The following FAM193A variants were observed in gnomAD, a reference collection of about 807,000 sequenced individuals.
FAM193A encodes family with sequence similarity 193 member A.
Under a neutral mutation model 126.5 loss-of-function variants are expected in FAM193A, and 22 were observed. The ratio of observed to expected loss-of-function variants is 0.17; its 90% CI spans 0.12 to 0.25. FAM193A has a LOEUF of 0.25. Among genes scored for constraint, FAM193A ranks in the 10% least tolerant of loss-of-function variants. FAM193A has a pLI of 1.00. For missense variants in FAM193A, 1,675 were observed against 1,672.8 expected (o/e 1.00, Z -0.02); for synonymous variants, 761 against 646.8 (o/e 1.18, Z -2.68).
At chr4:2,580,251 T>TACCGCATATTCTCGC (rs1467747926) in intron 1 of FAM193A, among the ~76,000 whole-genome samples, 1 of 152,116 alleles carries the variant, frequency 6.6e-6, no homozygotes, top group African/African-American at 2.4e-5. Flanking sequence ...GAAAACCAGA[T>TACCGCATATTCTCGC]ACCGCATATT....
At chr4:2,574,059 G>C (rs972306321) in intron 1 of FAM193A, among the ~76,000 whole-genome samples, 2 of 152,114 alleles carry the variant, frequency 1.3e-5, no homozygotes, top group Admixed American at 6.6e-5. Flanking sequence ...GTTATGAGGG[G>C]ATTGTGGGAG....
At chr4:2,599,246 C>G (rs1577058252) in intron 2 of FAM193A, among the ~76,000 whole-genome samples, 1 of 151,872 alleles carries the variant, frequency 6.6e-6, no homozygotes, top group Non-Finnish European at 1.5e-5. Flanking sequence ...CTTTTATGGC[C>G]TCCTTCCACT....
intron 7 of FAM193A, chr4:2,654,406 T>G (rs1430321344): frequency 6.7e-6 from 1 of 149,144 alleles, no homozygotes; most frequent in Admixed American, 6.7e-5. Flanking sequence ...TTTTTTGTAT[T>G]TTTGGTAGAG....
At chr4:2,542,834 C>G (rs1485665461) in intron 1 of FAM193A, among the ~76,000 whole-genome samples, 1 of 152,174 alleles carries the variant, frequency 6.6e-6, no homozygotes, top group Non-Finnish European at 1.5e-5. Context: ...TCCCACTGTC[C>G]TGTGTGCGGG....
At chr4:2,546,147 C>CA (rs1208023730) in intron 1 of FAM193A, among the ~76,000 whole-genome samples, 45 of 138,910 alleles carry the variant, frequency 3.2e-4, no homozygotes, top group Admixed American at 4.3e-4. Context: ...GACTCCGCCT[C>CA]AAAAAAAAAA....
chr4:2,622,257 C>CAAAAAAAAAA lies in FAM193A; in HGVS notation c.502-2988_502-2979dup, dbSNP rs71178493. Among the ~76,000 whole-genome samples the CAAAAAAAAAA allele has an allele frequency of 2.7e-3, 148 of 55,564 alleles. 5 individuals carry two copies. The highest frequency in any genetic ancestry group is 9.5e-3 in the African/African-American group (140 of 14,774). 36.5% of individuals were successfully genotyped at this position (55,564 alleles called of 152,430 possible). On this transcript the variant is annotated intron_variant, in intron 2 of 20. Coordinates refer to ENST00000637812, the MANE Select transcript of FAM193A (RefSeq NM_001366318.2). ...GGGTGATAGAGCGAGACCCTGTCTC[C>CAAAAAAAAAA]AAAAAAAAAAAAAAAAAAAAAAAAA...
chr4:2,679,550 T>C (rs1328542771), intron 13 of FAM193A, among the ~76,000 whole-genome samples: 1 of 151,862 alleles, frequency 6.6e-6, no homozygotes, highest in Non-Finnish European at 1.5e-5. Flanking sequence ...CGGCTAATTT[T>C]GTATTTTTAG....
chr4:2,569,463 G>T (rs551900059), intron 1 of FAM193A, among the ~76,000 whole-genome samples: 1 of 152,264 alleles, frequency 6.6e-6, no homozygotes, highest in African/African-American at 2.4e-5. Context: ...CAGTTGTGCA[G>T]ATGTGAGTTT....
intron 2 of FAM193A, among the ~76,000 whole-genome samples, chr4:2,598,055 C>A (rs1296242634): frequency 6.6e-6 from 1 of 152,144 alleles, no homozygotes; most frequent in Non-Finnish European, 1.5e-5. Flanking sequence ...CAGGCACGCG[C>A]CACCATGCCC....
chr4:2,637,398 T>C (rs1358473582), intron 5 of FAM193A, among the ~76,000 whole-genome samples: 1 of 152,220 alleles, frequency 6.6e-6, no homozygotes, highest in Non-Finnish European at 1.5e-5. Context: ...TCACTAGGCT[T>C]AAGTTATGCT....
At position 2,693,846 on chromosome 4, in the gene FAM193A, T is replaced by C. The variant is rs1291860277; in HGVS notation, c.3064T>C (p.Ser1022Pro). ...PAPLPPATDG[S>P]ISAPPSVCSD... Reference sequence around the variant, plus strand: ...ACCCCTACCCCCGGCCACAGATGGCTCCATTAGCGCCCCTCCAAGTGTCTG... The same window carrying C: ...ACCCCTACCCCCGGCCACAGATGGCCCCATTAGCGCCCCTCCAAGTGTCTG... The change falls in exon 16 of 21, where the codon TCC (serine) becomes CCC (proline). Residue 1022 changes from serine (S) to proline (P), a missense_variant. By Grantham distance (74) the Ser-to-Pro change is moderately conservative (BLOSUM62 -1). Around this residue, in one of 4 missense-constraint regions of FAM193A, gnomAD observed 1,186 missense variants for 1,109.2 expected, o/e 1.07. Transcript: ENST00000637812. The C allele has an allele frequency of 1.2e-6, 2 of 1,614,022 alleles. No homozygotes were observed. The highest frequency in any genetic ancestry group is 1.7e-5 in the Admixed American group (1 of 60,006).
chr4:2,609,906 T>A (rs1741759142), intron 2 of FAM193A, among the ~76,000 whole-genome samples: 1 of 147,136 alleles, frequency 6.8e-6, no homozygotes, highest in African/African-American at 2.5e-5. Context: ...TCCAGCCTAA[T>A]GACAGAGCGA....
intron 1 of FAM193A, among the ~76,000 whole-genome samples, chr4:2,546,520 T>C (rs1419645098): frequency 6.6e-6 from 1 of 152,192 alleles, no homozygotes; most frequent in Non-Finnish European, 1.5e-5. Flanking sequence ...AGTCCATTTA[T>C]GACTGTGTAG....
chr4:2,673,143 C>T (rs1417666320), intron 13 of FAM193A, among the ~76,000 whole-genome samples: 3 of 151,954 alleles, frequency 2.0e-5, no homozygotes, highest in East Asian at 1.9e-4. Flanking sequence ...AATGACTCAC[C>T]GTAATTCTGA....
chr4:2,677,019 A>G (rs231699), intron 13 of FAM193A, among the ~76,000 whole-genome samples: 424 of 152,138 alleles, frequency 2.8e-3, no homozygotes, highest in African/African-American at 7.7e-3. Context: ...CCAATAAATC[A>G]TTGCCAGATC....
intron 2 of FAM193A, among the ~76,000 whole-genome samples, chr4:2,615,402 G>A (rs1276278615): frequency 6.6e-6 from 1 of 152,098 alleles, no homozygotes; most frequent in African/African-American, 2.4e-5. Context: ...CATTCCTTTA[G>A]CTGCATCCCA....
intron 1 of FAM193A, among the ~76,000 whole-genome samples, chr4:2,576,943 T>G (rs1411592711): frequency 6.6e-6 from 1 of 152,224 alleles, no homozygotes; most frequent in Non-Finnish European, 1.5e-5. Flanking sequence ...CTGACCAGTC[T>G]TTGTAGTTTA....
intron 13 of FAM193A, among the ~76,000 whole-genome samples, chr4:2,689,252 A>G (rs1341567052): frequency 6.6e-6 from 1 of 152,192 alleles, no homozygotes; most frequent in Non-Finnish European, 1.5e-5. Flanking sequence ...TGAGTTGTCT[A>G]AAGTTTGTTC....
At chr4:2,543,845 G>T (rs1475157184) in intron 1 of FAM193A, among the ~76,000 whole-genome samples, 4 of 87,312 alleles carry the variant, frequency 4.6e-5, no homozygotes, top group Non-Finnish European at 2.2e-5. Context: ...ACTTCAGCCT[G>T]CACAAAAGAA....
Sources: gnomAD v4.1 joint callset for allele counts (sites outside exome capture counted in the v4.1 genomes callset) on GRCh38, gnomAD v4.1.1 for gene constraint, gnomAD v4.1.1 regional missense constraint, MANE v1.5 for transcripts, NCBI Gene and HGNC (gene_info 2026-07-23, HGNC 2026-07-21) for gene names.